Variants in ALK observed in about 807,000 individuals in gnomAD.
ALK encodes ALK receptor tyrosine kinase.
Under a neutral mutation model 163.1 loss-of-function variants are expected in ALK, and 74 were observed. The ratio of observed to expected loss-of-function variants is 0.45; its 90% CI spans 0.38 to 0.55. ALK has a LOEUF of 0.55. ALK is among the 20% of genes least tolerant of loss of function. ALK has a pLI of 0.00. For synonymous variants in ALK, 960 were observed against 843.2 expected (o/e 1.14, Z -2.40); for missense variants, 2,063 against 2,105.3 (o/e 0.98, Z 0.39).
chr2:29,667,642 C>T (rs1483545312), intron 3 of ALK, among the ~76,000 whole-genome samples: 1 of 151,910 alleles, frequency 6.6e-6, no homozygotes, highest in African/African-American at 2.4e-5. Context: ...ATAAATCCCA[C>T]TTGGTCATGG....
intron 9 of ALK, among the ~76,000 whole-genome samples, chr2:29,295,273 C>T (rs1435796142): frequency 1.3e-5 from 2 of 152,154 alleles, no homozygotes; most frequent in Middle Eastern, 3.2e-3. Context: ...ACCGAGTCAA[C>T]ATCTTACTTT....
intron 1 of ALK, among the ~76,000 whole-genome samples, chr2:29,804,531 A>T (rs1664560948): frequency 6.6e-6 from 1 of 152,238 alleles, no homozygotes; most frequent in Admixed American, 6.5e-5. Flanking sequence ...ATATGGCAAC[A>T]CAGGTTCAGA....
intron 2 of ALK, among the ~76,000 whole-genome samples, chr2:29,717,189 A>AAGG (rs1553351641): frequency 1.4e-5 from 2 of 142,788 alleles, no homozygotes; most frequent in African/African-American, 5.6e-5. Context: ...AAAAAAAAAA[A>AAGG]AGAGAGAGAG....
chr2:29,644,784 G>A (rs1421131013), intron 3 of ALK, among the ~76,000 whole-genome samples: 2 of 151,980 alleles, frequency 1.3e-5, no homozygotes, highest in African/African-American at 2.4e-5. Context: ...GTATTAAAAA[G>A]GTAAGTTTTA....
chr2:29,207,096 A>G (rs1669330697), intron 26 of ALK, 75 bp downstream of exon 26: 2 of 1,151,232 alleles, frequency 1.7e-6, no homozygotes, highest in Non-Finnish European at 2.6e-6. Context: ...CTCCCGGCTT[A>G]GAGTATAGAG....
At chr2:29,627,160 C>T (rs764969661) in intron 3 of ALK, among the ~76,000 whole-genome samples, 3 of 152,192 alleles carry the variant, frequency 2.0e-5, no homozygotes, top group Non-Finnish European at 2.9e-5. Context: ...AGACACTCTC[C>T]GGAAGGCAGA....
At chr2:29,823,506 T>C (rs1665108465) in intron 1 of ALK, among the ~76,000 whole-genome samples, 1 of 152,188 alleles carries the variant, frequency 6.6e-6, no homozygotes, top group Non-Finnish European at 1.5e-5. Flanking sequence ...ACCAAAATGC[T>C]GATAATGATA....
intron 4 of ALK, among the ~76,000 whole-genome samples, chr2:29,490,660 C>T (rs1193885616): frequency 6.6e-6 from 1 of 152,166 alleles, no homozygotes; most frequent in Non-Finnish European, 1.5e-5. Context: ...ATGCCACGGG[C>T]CTCTTTGGCA....
At chr2:29,729,147 T>TA (rs1362360264) in intron 1 of ALK, among the ~76,000 whole-genome samples, 2 of 152,122 alleles carry the variant, frequency 1.3e-5, no homozygotes, top group African/African-American at 4.8e-5. Flanking sequence ...AAACCTGAAT[T>TA]ACCTTCTGGA....
At chr2:29,310,995 T>G (rs1419439662) in intron 8 of ALK, among the ~76,000 whole-genome samples, 1 of 152,196 alleles carries the variant, frequency 6.6e-6, no homozygotes, top group Non-Finnish European at 1.5e-5. Context: ...ATTTGGAAAA[T>G]GCCTCGAGAA....
At chr2:29,767,070 C>T (rs1680884989) in intron 1 of ALK, among the ~76,000 whole-genome samples, 1 of 152,198 alleles carries the variant, frequency 6.6e-6, no homozygotes, top group Admixed American at 6.5e-5. Context: ...CAATGTACTA[C>T]AAAATAGGAA....
At chr2:29,292,516 G>A (rs1666059594) in intron 9 of ALK, among the ~76,000 whole-genome samples, 1 of 152,186 alleles carries the variant, frequency 6.6e-6, no homozygotes, top group South Asian at 2.1e-4. Flanking sequence ...TTGAATGAGG[G>A]AGGTGGGGCT....
At chr2:29,501,870 C>T (rs901119146) in intron 4 of ALK, among the ~76,000 whole-genome samples, 3 of 152,156 alleles carry the variant, frequency 2.0e-5, no homozygotes, top group African/African-American at 7.2e-5. Context: ...TACTCCCAGC[C>T]CTGGGTAGCT....
At chr2:29,766,630 C>A (rs1019034366) in intron 1 of ALK, among the ~76,000 whole-genome samples, 2 of 152,214 alleles carry the variant, frequency 1.3e-5, no homozygotes, top group African/African-American at 4.8e-5. Context: ...GTCTACTCAG[C>A]AGGACCATAA....
At chr2:29,684,601 C>T (rs919449877) in intron 3 of ALK, among the ~76,000 whole-genome samples, 2 of 152,172 alleles carry the variant, frequency 1.3e-5, no homozygotes. Context: ...CTTCCCAAGA[C>T]CCCTCTGAAG....
intron 4 of ALK, among the ~76,000 whole-genome samples, chr2:29,447,066 C>G (rs1670702358): frequency 6.6e-6 from 1 of 152,204 alleles, no homozygotes; most frequent in South Asian, 2.1e-4. Context: ...TAAGGACCTC[C>G]TTGGCAATGT....
chr2:29,393,355 A>G (rs1029869339), intron 4 of ALK, among the ~76,000 whole-genome samples: 16 of 152,176 alleles, frequency 1.1e-4, no homozygotes, highest in South Asian at 2.1e-4. Flanking sequence ...AAAATCAGTC[A>G]TAGGAACTAG....
intron 1 of ALK, among the ~76,000 whole-genome samples, chr2:29,826,448 T>A (rs542028442): frequency 9.1e-4 from 128 of 140,122 alleles, no homozygotes; most frequent in African/African-American, 2.8e-3. Flanking sequence ...CCAGTTGATT[T>A]AAAAAAAAAA....
At chr2:29,215,328 C>T (rs1450447275) in intron 23 of ALK, among the ~76,000 whole-genome samples, 4 of 152,146 alleles carry the variant, frequency 2.6e-5, no homozygotes, top group Admixed American at 6.5e-5. Context: ...TCAGGGCCTC[C>T]CCAGGACTCC....
Sources: allele counts gnomAD v4.1 joint callset (sites outside exome capture counted in the v4.1 genomes callset), GRCh38; gene constraint gnomAD v4.1.1; transcripts MANE v1.5; gene names NCBI Gene and HGNC (gene_info 2026-07-23, HGNC 2026-07-21).